The following PLPP4 variants were observed in gnomAD, a reference collection of about 807,000 sequenced individuals.
The protein encoded by PLPP4 is phospholipid phosphatase 4, also known as diacylglycerol pyrophosphate like 2.
In PLPP4, 20 loss-of-function variants were observed where a neutral mutation model predicts 32.2. The ratio of observed to expected loss-of-function variants is 0.62; its 90% CI spans 0.44 to 0.90. PLPP4 has a LOEUF of 0.90. Among genes scored for constraint, PLPP4 ranks in the 40% least tolerant of loss-of-function variants. The pLI is 0.00. For missense variants in PLPP4, 257 were observed against 353.1 expected (o/e 0.73, Z 2.18); for synonymous variants, 127 against 133.0 (o/e 0.95, Z 0.31).
chr10:120,460,226 T>C (rs977342208), intron 1 of PLPP4, among the ~76,000 whole-genome samples: 1 of 152,228 alleles, frequency 6.6e-6, no homozygotes, highest in Non-Finnish European at 1.5e-5. Flanking sequence ...TTTAGTACCA[T>C]GAAGTGTGTA....
intron 5 of PLPP4, among the ~76,000 whole-genome samples, chr10:120,553,931 G>A (rs1328072570): frequency 6.6e-6 from 1 of 152,172 alleles, no homozygotes; most frequent in African/African-American, 2.4e-5. Context: ...TGCCTTTGAG[G>A]CATTTTCCCC....
At position 120,590,642 on chromosome 10, in the gene PLPP4, C is replaced by T. The variant is rs924575420; in HGVS notation, c.*1140C>T. Among the ~76,000 whole-genome samples, 6 of 152,088 alleles carry T rather than the reference C, an allele frequency of 3.9e-5. No individual in the cohort carries two copies. The highest frequency in any genetic ancestry group is 1.4e-4 in the African/African-American group (6 of 41,388). ...AGTATAGAGCACGCTGCTCCTTGGC[C>T]AGCTAGTTTTTTCAAGGCAAGGAGC... On this transcript the variant is annotated 3_prime_UTR_variant, in exon 7 of 7. Coordinates refer to ENST00000398250, the MANE Select transcript of PLPP4 (RefSeq NM_001030059.3).
intron 1 of PLPP4, among the ~76,000 whole-genome samples, chr10:120,460,429 C>T (rs1209145939): frequency 6.6e-6 from 1 of 152,324 alleles, no homozygotes; most frequent in South Asian, 2.1e-4. Flanking sequence ...GGCTGGTTAA[C>T]ACCCAGCAGA....
chr10:120,464,516 G>A (rs1848226037), intron 1 of PLPP4, among the ~76,000 whole-genome samples: 1 of 152,168 alleles, frequency 6.6e-6, no homozygotes, highest in African/African-American at 2.4e-5. Flanking sequence ...TCAAAAGTGA[G>A]GGATGTACCT....
At chr10:120,506,033 A>G (rs1845473431) in intron 2 of PLPP4, among the ~76,000 whole-genome samples, 1 of 152,256 alleles carries the variant, frequency 6.6e-6, no homozygotes. Flanking sequence ...TACAAATGCC[A>G]CAAATATTCT....
intron 1 of PLPP4, among the ~76,000 whole-genome samples, chr10:120,478,407 C>T (rs1464351859): frequency 6.6e-6 from 1 of 152,222 alleles, no homozygotes; most frequent in Non-Finnish European, 1.5e-5. Flanking sequence ...TCCAAAACCA[C>T]AGCTTTTAAA....
rs561785112 is a variant in PLPP4 at position 120,550,220 on chromosome 10, C to T, written c.446-24911C>T. On this transcript the variant is annotated intron_variant, in intron 5 of 6. Transcript: ENST00000398250. ...ACTTTTAAAGTACCATTTATAGGTACTTAGGAATTAATAAACAAAAACTGT... is the reference window on the plus strand; with the variant it reads ...ACTTTTAAAGTACCATTTATAGGTATTTAGGAATTAATAAACAAAAACTGT... Among the ~76,000 whole-genome samples the T allele has an allele frequency of 5.7e-4, 86 of 151,926 alleles. 1 individual carries two copies. In the South Asian group the frequency reaches 0.017, roughly 30 times the overall value.
At chr10:120,507,445 C>T (rs2133875553) in intron 2 of PLPP4, among the ~76,000 whole-genome samples, 1 of 152,286 alleles carries the variant, frequency 6.6e-6, no homozygotes, top group East Asian at 1.9e-4. Flanking sequence ...CTGTGCTTAT[C>T]ACTTTATAAA....
At chr10:120,553,480 T>G (rs1848002327) in intron 5 of PLPP4, among the ~76,000 whole-genome samples, 1 of 152,262 alleles carries the variant, frequency 6.6e-6, no homozygotes, top group Non-Finnish European at 1.5e-5. Flanking sequence ...GCCTTAATCA[T>G]GGACTTCCAA....
At position 120,520,953 on chromosome 10, in the gene PLPP4, C is replaced by T. The variant is rs1381432535; in HGVS notation, c.321-18C>T. On this transcript the variant is annotated intron_variant, in intron 4 of 6. Coordinates refer to ENST00000398250, the MANE Select transcript of PLPP4 (RefSeq NM_001030059.3). ...TGGCAGCATTTTATATTGAAAATGTCCATGGTGTCTTTTGTAGACCTCGCC... is the reference window on the plus strand; with the variant it reads ...TGGCAGCATTTTATATTGAAAATGTTCATGGTGTCTTTTGTAGACCTCGCC... 1.2e-6 allele frequency: 2 copies of T among 1,613,836 alleles called. No homozygotes were observed. The highest frequency in any genetic ancestry group is 1.1e-5 in the South Asian group (1 of 91,034).
chr10:120,486,127 C>T (rs1256662200), intron 1 of PLPP4, among the ~76,000 whole-genome samples: 3 of 152,168 alleles, frequency 2.0e-5, no homozygotes. Context: ...CACTTGGTGT[C>T]CGGGTTGAGG....
chr10:120,587,307 C>G (rs1849809894), intron 6 of PLPP4: 1 of 152,226 alleles, frequency 6.6e-6, no homozygotes, highest in Non-Finnish European at 1.5e-5. Flanking sequence ...CCTATTTGCT[C>G]TTGAGAGAAC....
chr10:120,545,739 T>A (rs1300962848), intron 5 of PLPP4, among the ~76,000 whole-genome samples: 2 of 152,108 alleles, frequency 1.3e-5, no homozygotes, highest in Non-Finnish European at 2.9e-5. Context: ...TCTATAATGG[T>A]TAATATTGAG....
intron 5 of PLPP4, among the ~76,000 whole-genome samples, chr10:120,546,794 A>G (rs943077923): frequency 1.3e-5 from 2 of 152,178 alleles, no homozygotes; most frequent in Admixed American, 1.3e-4. Context: ...CAAGATCCAC[A>G]TTTGCTTCTC....
chr10:120,575,159 G>T lies in PLPP4; in HGVS notation c.474G>T (p.Thr158=). The change falls in exon 6 of 7, where the codon ACG becomes ACT. Residue 158 remains threonine, a synonymous_variant. Coordinates refer to ENST00000398250, the MANE Select transcript of PLPP4 (RefSeq NM_001030059.3). ...SFAFSGLGFT[T]FYLAGKLHCF... The stretch of plus-strand genomic sequence containing the variant: ...CCTTTTCGGGCCTTGGCTTCACGAC[G>T]TTCTACTTGGCGGGCAAGCTGCACT... The T allele has an allele frequency of 6.2e-7, 1 of 1,613,848 alleles. No individual in the cohort carries two copies. The highest frequency in any genetic ancestry group is 8.5e-7 in the Non-Finnish European group (1 of 1,179,940).
chr10:120,552,346 T>A (rs1158314441), intron 5 of PLPP4, among the ~76,000 whole-genome samples: 1 of 152,200 alleles, frequency 6.6e-6, no homozygotes, highest in Non-Finnish European at 1.5e-5. Flanking sequence ...TATAGTGAGA[T>A]GACCTTTCAC....
In PLPP4 at chr10:120,521,093, C is replaced by G; in HGVS notation, c.443C>G (p.Ser148Cys). The part of the protein sequence containing the change: ...GRKSFPSIHS[S>C]FAFSGLGFTT... ...AAAAGCTTCCCCAGCATCCATTCCT[C>G]CTGTAAGTTCATGGCTGGGATTCTC... The change falls in exon 5 of 7, where the codon TCC becomes TGC. Residue 148 changes from serine to cysteine, a missense_variant and splice_region_variant. Physicochemically the swap from Ser to Cys is moderately radical, Grantham distance 112 (BLOSUM62 -1). Coordinates refer to ENST00000398250, the MANE Select transcript of PLPP4 (RefSeq NM_001030059.3). The G allele has an allele frequency of 6.2e-7, 1 of 1,614,042 alleles. No individual in the cohort carries two copies. Among genetic ancestry groups the G allele is most frequent in the Non-Finnish European group, 8.5e-7 (1 of 1,179,980 alleles).
chr10:120,581,957 C>G (rs1849533169), intron 6 of PLPP4, among the ~76,000 whole-genome samples: 1 of 152,154 alleles, frequency 6.6e-6, no homozygotes, highest in Non-Finnish European at 1.5e-5. Flanking sequence ...GCCATGAGAT[C>G]TTTGTTGCAC....
rs1253991421 is a variant in PLPP4, at chr10:120,503,833, G to C, written c.72G>C (p.Leu24Phe). 3.1e-6 allele frequency: 5 copies of C among 1,613,130 alleles called. No individual in the cohort carries two copies. Among genetic ancestry groups the C allele is most frequent in the Non-Finnish European group, 1.7e-6 (2 of 1,179,562 alleles). The change falls in exon 2 of 7, where the codon TTG (leucine) becomes TTC (phenylalanine). Residue 24 changes from leucine (L) to phenylalanine (F), a missense_variant. Leu to Phe is a conservative substitution (Grantham distance 22, BLOSUM62 0). Coordinates refer to ENST00000398250, the MANE Select transcript of PLPP4 (RefSeq NM_001030059.3). ...TATGTTTCAGTTTTACAGAGTTTTT[G>C]GATCCGTTCCAGAGAGTCATCCAGC... ...LFGVFVFTEF[L>F]DPFQRVIQPE...
Sources: gnomAD v4.1 joint callset for allele counts (sites outside exome capture counted in the v4.1 genomes callset) on GRCh38, gnomAD v4.1.1 for gene constraint, MANE v1.5 for transcripts, NCBI Gene and HGNC (gene_info 2026-07-23, HGNC 2026-07-21) for gene names.